KHDRBS3: variants seen among roughly 807,000 people sequenced by gnomAD.
KHDRBS3 encodes KH domain-containing, RNA-binding, signal transduction-associated protein 3.
KHDRBS3 carries 23 observed loss-of-function variants against 45.6 expected under a neutral mutation model. The ratio of observed to expected loss-of-function variants is 0.50; its 90% CI spans 0.36 to 0.72. The LOEUF (loss-of-function observed/expected upper bound fraction) is 0.72. Ranked by LOEUF, KHDRBS3 falls within the 30% of genes least tolerant of loss-of-function variation. The pLI is 0.00. For synonymous variants in KHDRBS3, 162 were observed against 156.5 expected, an observed-to-expected ratio of 1.04 and a Z score of -0.26; for missense variants, 352 against 424.8, an observed-to-expected ratio of 0.83 and a Z score of 1.51.
At chr8:135,524,422 G>T (rs1303494629) in intron 2 of KHDRBS3, among the ~76,000 whole-genome samples, 1 of 152,122 alleles carries the variant, frequency 6.6e-6, no homozygotes, top group Non-Finnish European at 1.5e-5. Flanking sequence ...ATATCAGATT[G>T]GTGTTACTTA....
At chr8:135,498,301 C>T (rs961177697) in intron 1 of KHDRBS3, among the ~76,000 whole-genome samples, 3 of 152,160 alleles carry the variant, frequency 2.0e-5, no homozygotes, top group Non-Finnish European at 2.9e-5. Context: ...GTTCAACTAC[C>T]GTACTGCATT....
intron 1 of KHDRBS3, among the ~76,000 whole-genome samples, chr8:135,498,496 C>A (rs1304914355): frequency 6.6e-6 from 1 of 152,096 alleles, no homozygotes; most frequent in African/African-American, 2.4e-5. Flanking sequence ...TGCCTACACA[C>A]CTGTTCAGAA....
chr8:135,613,387 G>T (rs940060998), intron 7 of KHDRBS3, among the ~76,000 whole-genome samples: 5 of 151,728 alleles, frequency 3.3e-5, no homozygotes, highest in African/African-American at 4.9e-5. Flanking sequence ...GTTTCTACTT[G>T]TGAGAACAGT....
intron 1 of KHDRBS3, among the ~76,000 whole-genome samples, chr8:135,520,200 G>T (rs1426481090): frequency 6.6e-6 from 1 of 152,160 alleles, no homozygotes; most frequent in Non-Finnish European, 1.5e-5. Context: ...AAGCAAAATG[G>T]ATAAATACGT....
At chr8:135,635,502 G>T (rs1279151621) in intron 7 of KHDRBS3, among the ~76,000 whole-genome samples, 1 of 152,178 alleles carries the variant, frequency 6.6e-6, no homozygotes, top group Non-Finnish European at 1.5e-5. Context: ...TCCTGCCTCA[G>T]CCTCCCGAGT....
chr8:135,561,109 C>T (rs546425353), intron 5 of KHDRBS3, among the ~76,000 whole-genome samples: 1 of 152,220 alleles, frequency 6.6e-6, no homozygotes, highest in Admixed American at 6.5e-5. Flanking sequence ...GCCATATTTC[C>T]TGTGTATTTA....
chr8:135,597,636 CTTGTT>C (rs1829032903), intron 6 of KHDRBS3, among the ~76,000 whole-genome samples: 3 of 152,048 alleles, frequency 2.0e-5, no homozygotes, highest in Admixed American at 2.0e-4. Flanking sequence ...GACAAAGATA[CTTGTT>C]TTGTTTTGTT....
At chr8:135,609,060 G>T (rs1274483407) in intron 7 of KHDRBS3, among the ~76,000 whole-genome samples, 1 of 152,122 alleles carries the variant, frequency 6.6e-6, no homozygotes, top group Non-Finnish European at 1.5e-5. Context: ...CACCACTGCA[G>T]GCTTTATAAA....
At chr8:135,606,068 T>A (rs555647413) in intron 6 of KHDRBS3, among the ~76,000 whole-genome samples, 1 of 152,288 alleles carries the variant, frequency 6.6e-6, no homozygotes, top group African/African-American at 2.4e-5. Flanking sequence ...CTCCTCTGTG[T>A]TAGTTTACTA....
chr8:135,645,013 C>T (rs1352698693), intron 7 of KHDRBS3, 46 bp from the exon 8 acceptor site: 1 of 1,594,594 alleles, frequency 6.3e-7, no homozygotes, highest in East Asian at 2.2e-5. Context: ...TGTTGAAACT[C>T]ACAGCCAGAT....
intron 2 of KHDRBS3, among the ~76,000 whole-genome samples, chr8:135,522,265 C>T (rs971154671): frequency 2.6e-5 from 4 of 152,180 alleles, no homozygotes; most frequent in African/African-American, 7.2e-5. Flanking sequence ...CATGTCCCTG[C>T]AAAGGACATG....
chr8:135,639,454 T>C (rs1830965549), intron 7 of KHDRBS3, among the ~76,000 whole-genome samples: 2 of 152,148 alleles, frequency 1.3e-5, no homozygotes, highest in South Asian at 4.1e-4. Context: ...ACAATGATGC[T>C]GTTGGGAGAT....
At chr8:135,646,300 A>G (rs879750484) in intron 8 of KHDRBS3, among the ~76,000 whole-genome samples, 4 of 152,114 alleles carry the variant, frequency 2.6e-5, no homozygotes, top group Non-Finnish European at 4.4e-5. Flanking sequence ...CAGGTGTTTA[A>G]TTTCAGGAGA....
At chr8:135,509,742 A>G (rs554591212) in intron 1 of KHDRBS3, among the ~76,000 whole-genome samples, 2 of 152,278 alleles carry the variant, frequency 1.3e-5, no homozygotes, top group African/African-American at 4.8e-5. Context: ...GTGAATGACT[A>G]TGTATAATTA....
chr8:135,471,810 C>T (rs1164043497), intron 1 of KHDRBS3, among the ~76,000 whole-genome samples: 6 of 152,228 alleles, frequency 3.9e-5, no homozygotes, highest in Non-Finnish European at 5.9e-5. Flanking sequence ...TCTCTTCGCT[C>T]GCTCTCTGTG....
chr8:135,636,167 AG>A (rs1240834621), intron 7 of KHDRBS3, among the ~76,000 whole-genome samples: 1 of 152,186 alleles, frequency 6.6e-6, no homozygotes, highest in African/African-American at 2.4e-5. Flanking sequence ...AAAGGCAGCT[AG>A]TTGGCCTCAC....
intron 7 of KHDRBS3, among the ~76,000 whole-genome samples, chr8:135,633,745 A>G (rs1483305988): frequency 6.6e-6 from 1 of 152,152 alleles, no homozygotes. Flanking sequence ...TCCTAGATTC[A>G]CAGCAACATT....
chr8:135,524,023 A>AT (rs150484899), intron 2 of KHDRBS3, among the ~76,000 whole-genome samples: 2,532 of 149,336 alleles, frequency 0.017, 65 homozygotes, highest in African/African-American at 0.054. Flanking sequence ...GACTTATACT[A>AT]TTTTTTTTTT....
chr8:135,629,900 C>G (rs1225044451), intron 7 of KHDRBS3, among the ~76,000 whole-genome samples: 1 of 152,168 alleles, frequency 6.6e-6, no homozygotes, highest in African/African-American at 2.4e-5. Context: ...CAGCAGACTC[C>G]ACCCATATAG....
Sources: allele counts gnomAD v4.1 joint callset (sites outside exome capture counted in the v4.1 genomes callset), GRCh38; gene constraint gnomAD v4.1.1; transcripts MANE v1.5; gene names NCBI Gene and HGNC (gene_info 2026-07-23, HGNC 2026-07-21).